CYP19A1: variants seen among roughly 807,000 people sequenced by gnomAD.
The protein encoded by CYP19A1 is aromatase.
CYP19A1 carries 32 observed loss-of-function variants against 44.4 expected under a neutral mutation model. That is an observed-to-expected ratio of 0.72 (90% CI 0.54 to 0.97). The LOEUF (loss-of-function observed/expected upper bound fraction) is 0.97, where lower values mean the gene tolerates loss of function less well. Ranked by LOEUF, CYP19A1 falls within the 50% of genes least tolerant of loss-of-function variation. CYP19A1 has a pLI of 0.00. For missense variants in CYP19A1, 598 were observed against 637.8 expected, an observed-to-expected ratio of 0.94 and a Z score of 0.67; for synonymous variants, 212 against 215.6, an observed-to-expected ratio of 0.98 and a Z score of 0.14.
At chr15:51,320,197 A>G (rs1254504098) in intron 1 of CYP19A1, 1 of 152,256 alleles carries the variant, frequency 6.6e-6, no homozygotes, top group African/African-American at 2.4e-5. Context: ...CATCATGTGC[A>G]TACTGTGAGC....
chr15:51,323,657 C>G (rs1403462441), intron 1 of CYP19A1, among the ~76,000 whole-genome samples: 1 of 152,112 alleles, frequency 6.6e-6, no homozygotes, highest in East Asian at 1.9e-4. Flanking sequence ...CCTCAATGTC[C>G]ATGCCCTGCC....
At chr15:51,278,439 G>T (rs1027533016) in intron 1 of CYP19A1, among the ~76,000 whole-genome samples, 3 of 152,166 alleles carry the variant, frequency 2.0e-5, no homozygotes, top group Non-Finnish European at 4.4e-5. Flanking sequence ...CTCGTAGGGG[G>T]TCCTAGACAT....
At chr15:51,280,634 A>T (rs1390834634) in intron 1 of CYP19A1, among the ~76,000 whole-genome samples, 1 of 152,132 alleles carries the variant, frequency 6.6e-6, no homozygotes, top group African/African-American at 2.4e-5. Context: ...GGAGGTGGGG[A>T]GATACTGTGG....
intron 1 of CYP19A1, among the ~76,000 whole-genome samples, chr15:51,282,447 G>A (rs1034128048): frequency 6.6e-6 from 1 of 152,178 alleles, no homozygotes; most frequent in Admixed American, 6.5e-5. Context: ...CAAAGGAAAT[G>A]CTAAACTATC....
intron 9 of CYP19A1, chr15:51,211,721 G>A (rs758451933): frequency 9.6e-5 from 41 of 425,288 alleles, no homozygotes; most frequent in East Asian, 1.5e-4. Context: ...AACTGCGTAC[G>A]TAATTCAGAT....
chr15:51,221,693 T>A (rs1415893959), intron 5 of CYP19A1: 3 of 152,348 alleles, frequency 2.0e-5, no homozygotes, highest in Non-Finnish European at 4.4e-5. Flanking sequence ...AGCATGCACA[T>A]GTTTTAATAT....
chr15:51,235,850 G>C (rs759284092), intron 3 of CYP19A1, among the ~76,000 whole-genome samples: 2 of 152,202 alleles, frequency 1.3e-5, no homozygotes, highest in South Asian at 2.1e-4. Flanking sequence ...TTTAGTTTGT[G>C]GGTAAAGCGC....
At chr15:51,242,583 A>G (rs1417036174) in intron 2 of CYP19A1, among the ~76,000 whole-genome samples, 185 bp downstream of exon 2, 1 of 152,156 alleles carries the variant, frequency 6.6e-6, no homozygotes, top group African/African-American at 2.4e-5. Context: ...AAGTGCTTTC[A>G]TTTAAAATGT....
At chr15:51,295,139 T>A (rs79413438) in intron 1 of CYP19A1, among the ~76,000 whole-genome samples, 1 of 88,550 alleles carries the variant, frequency 1.1e-5, no homozygotes, top group African/African-American at 8.0e-5. Flanking sequence ...ACAACGTGTT[T>A]TTTTTTTTTT....
At chr15:51,296,641 C>T (rs2036000738) in intron 1 of CYP19A1, among the ~76,000 whole-genome samples, 1 of 152,136 alleles carries the variant, frequency 6.6e-6, no homozygotes, top group Non-Finnish European at 1.5e-5. Context: ...ATTCTCCTCA[C>T]TTTTTTTGGT....
chr15:51,291,863 T>C (rs1409686242), intron 1 of CYP19A1, among the ~76,000 whole-genome samples: 1 of 152,122 alleles, frequency 6.6e-6, no homozygotes, highest in Non-Finnish European at 1.5e-5. Flanking sequence ...TAGAGGTAAC[T>C]TGGAGAGGGT....
At chr15:51,313,480 T>C (rs867101652) in intron 1 of CYP19A1, among the ~76,000 whole-genome samples, 1 of 152,142 alleles carries the variant, frequency 6.6e-6, no homozygotes. Context: ...TTGCTCACGT[T>C]TGGACCTCGG....
In CYP19A1 at chr15:51,329,836, A is replaced by G. The variant is rs113906783; in HGVS notation, c.-39+8659T>C. On this transcript the variant is annotated intron_variant, in intron 1 of 9. Coordinates refer to ENST00000396402, the MANE Select transcript of CYP19A1 (RefSeq NM_000103.4). ...GCAAGATACAGGAGTATTCCCAAGG[A>G]GTTCACAGCCTAACAGGGAGACAGA... Among the ~76,000 whole-genome samples the G allele has an allele frequency of 3.6e-3, 553 of 152,328 alleles. 4 individuals are homozygous for G. Among genetic ancestry groups the G allele is most frequent in the African/African-American group, 0.013 (533 of 41,568 alleles).
intron 1 of CYP19A1, chr15:51,314,234 G>A (rs2036377768): frequency 6.6e-6 from 1 of 152,228 alleles, no homozygotes; most frequent in South Asian, 2.1e-4. Context: ...CTCTGCAGGA[G>A]CCTAGAAGTA....
At chr15:51,334,732 G>T (rs2036750789) in intron 1 of CYP19A1, among the ~76,000 whole-genome samples, 1 of 152,230 alleles carries the variant, frequency 6.6e-6, no homozygotes, top group Non-Finnish European at 1.5e-5. Context: ...GATTCAGGTG[G>T]TTGATGTGGT....
intron 1 of CYP19A1, among the ~76,000 whole-genome samples, chr15:51,322,652 G>A (rs752800362): frequency 6.6e-6 from 1 of 152,152 alleles, no homozygotes; most frequent in Non-Finnish European, 1.5e-5. Flanking sequence ...TTGACAAAAT[G>A]TTTTCCATCC....
At chr15:51,243,174 G>C (rs1595713349) in intron 1 of CYP19A1, 2 of 457,986 alleles carry the variant, frequency 4.4e-6, no homozygotes, top group East Asian at 4.3e-5. Context: ...AGAGTCTCAG[G>C]TTCCTTTAGA....
chr15:51,321,356 C>T (rs1326289922), intron 1 of CYP19A1, among the ~76,000 whole-genome samples: 1 of 152,148 alleles, frequency 6.6e-6, no homozygotes, highest in Non-Finnish European at 1.5e-5. Context: ...CACTTTCCTT[C>T]CCAGCCTGTG....
At chr15:51,324,988 C>T (rs561588711) in intron 1 of CYP19A1, among the ~76,000 whole-genome samples, 64 of 152,156 alleles carry the variant, frequency 4.2e-4, no homozygotes, top group Non-Finnish European at 7.9e-4. Context: ...ACTTCCTTTC[C>T]CCTCCTCACA....
Sources: gnomAD v4.1 joint callset for allele counts (sites outside exome capture counted in the v4.1 genomes callset) on GRCh38, gnomAD v4.1.1 for gene constraint, MANE v1.5 for transcripts, NCBI Gene and HGNC (gene_info 2026-07-23, HGNC 2026-07-21) for gene names.